The following SPIRE1 variants were observed in gnomAD, a reference collection of about 807,000 sequenced individuals.
The protein encoded by SPIRE1 is spire type actin nucleation factor 1, also known as protein spire homolog 1.
In SPIRE1, 40 loss-of-function variants were observed where a neutral mutation model predicts 94.1. The observed-to-expected ratio is 0.43, with a 90% CI of 0.33 to 0.55. The LOEUF (loss-of-function observed/expected upper bound fraction) is 0.55. Ranked by LOEUF, SPIRE1 falls within the 20% of genes least tolerant of loss-of-function variation. The pLI is 0.06. For synonymous variants in SPIRE1, 376 were observed against 371.7 expected (o/e 1.01, Z -0.13); for missense variants, 838 against 975.2 (o/e 0.86, Z 1.87).
chr18:12,493,046 C>A, intron 8 of SPIRE1, 26 bp downstream of exon 8: 1 of 1,593,954 alleles, frequency 6.3e-7, no homozygotes. Flanking sequence ...TGACTCTAGA[C>A]TGAGTACAGG....
chr18:12,529,826 AT>A (rs1036535536), intron 4 of SPIRE1, among the ~76,000 whole-genome samples: 1 of 152,224 alleles, frequency 6.6e-6, no homozygotes, highest in African/African-American at 2.4e-5. Context: ...CCTATTTTAC[AT>A]GCCTTATAAA....
chr18:12,643,379 G>A (rs2038137261), intron 1 of SPIRE1, among the ~76,000 whole-genome samples: 2 of 152,210 alleles, frequency 1.3e-5, no homozygotes, highest in Non-Finnish European at 2.9e-5. Context: ...ATCATAAACA[G>A]AGTTCTAGCA....
At chr18:12,458,119 C>T (rs2031609268) in intron 12 of SPIRE1, among the ~76,000 whole-genome samples, 1 of 151,406 alleles carries the variant, frequency 6.6e-6, no homozygotes, top group Non-Finnish European at 1.5e-5. Context: ...GCTGGGATTA[C>T]AGGCGTGAGC....
chr18:12,563,713 T>C (rs1221676330), intron 2 of SPIRE1, among the ~76,000 whole-genome samples: 1 of 151,742 alleles, frequency 6.6e-6, no homozygotes, highest in East Asian at 1.9e-4. Flanking sequence ...TTGGGGCAAA[T>C]AAAAAACCCC....
chr18:12,520,201 G>A (rs948422626), intron 4 of SPIRE1, among the ~76,000 whole-genome samples: 4 of 152,036 alleles, frequency 2.6e-5, no homozygotes, highest in East Asian at 1.9e-4. Context: ...ACTGATATGC[G>A]CTTGTTAGTT....
At chr18:12,655,013 G>A (rs1439423242) in intron 1 of SPIRE1, among the ~76,000 whole-genome samples, 83 of 149,372 alleles carry the variant, frequency 5.6e-4, no homozygotes, top group Non-Finnish European at 7.4e-4. Flanking sequence ...GGCAACAGAG[G>A]GAGACTCCAT....
At chr18:12,480,339 A>C (rs2032792794) in intron 9 of SPIRE1, among the ~76,000 whole-genome samples, 1 of 152,212 alleles carries the variant, frequency 6.6e-6, no homozygotes, top group Non-Finnish European at 1.5e-5. Context: ...GTGAACACAA[A>C]AAGTCTGGGA....
At position 12,546,692 on chromosome 18, in the gene SPIRE1, T is replaced by C; in HGVS notation, c.585A>G (p.Ser195=). The part of the protein sequence containing the change: ...DEKRKISAIR[S]YRDVMKLCAA... ...GCCTTACCTTCATGACATCTCTATA[T>C]GACCGAATAGCTGAGATTTTTCTCT... The change falls in exon 3 of 17, where the codon TCA becomes TCG. Residue 195 remains serine, a synonymous_variant. Coordinates refer to ENST00000409402, the MANE Select transcript of SPIRE1 (RefSeq NM_001128626.2). 6.2e-7 allele frequency: 1 copy of C among 1,613,810 alleles called. No homozygotes were observed. Among genetic ancestry groups the C allele is most frequent in the Non-Finnish European group, 8.5e-7 (1 of 1,179,718 alleles).
chr18:12,617,329 C>G (rs773928795), intron 2 of SPIRE1, among the ~76,000 whole-genome samples: 6 of 152,096 alleles, frequency 3.9e-5, no homozygotes, highest in Non-Finnish European at 4.4e-5. Flanking sequence ...ATTCTCCTGT[C>G]CCAGCCTCCC....
At position 12,650,602 on chromosome 18, in the gene SPIRE1, C is replaced by T. The variant is rs370769486; in HGVS notation, c.337+6928G>A. 9.9e-5 allele frequency among the ~76,000 whole-genome samples: 15 copies of T among 150,898 alleles called. No homozygotes were observed. The East Asian group carries it at 2.8e-3, about 28-fold the overall frequency. ...GCACGTGCCTGTAGTCCCAGCTACT[C>T]GGGAGGCTGAGGCAGGAGAATCGCT... On this transcript the variant is annotated intron_variant, in intron 1 of 16. Coordinates refer to ENST00000409402, the MANE Select transcript of SPIRE1 (RefSeq NM_001128626.2).
intron 10 of SPIRE1, among the ~76,000 whole-genome samples, chr18:12,478,090 T>C (rs895897833): frequency 3.9e-5 from 6 of 151,980 alleles, no homozygotes; most frequent in Non-Finnish European, 7.4e-5. Context: ...TTATTAGTGT[T>C]TGAAAAACCT....
At chr18:12,558,529 C>T (rs996612285) in intron 2 of SPIRE1, among the ~76,000 whole-genome samples, 1 of 152,172 alleles carries the variant, frequency 6.6e-6, no homozygotes, top group Non-Finnish European at 1.5e-5. Flanking sequence ...CTTATCTGGC[C>T]CCACTCACAT....
At chr18:12,626,187 C>A (rs1363787292) in intron 2 of SPIRE1, among the ~76,000 whole-genome samples, 1 of 152,150 alleles carries the variant, frequency 6.6e-6, no homozygotes, top group Non-Finnish European at 1.5e-5. Flanking sequence ...CAGCAAACCC[C>A]ATTTACAGCC....
chr18:12,580,459 G>T (rs56382499), intron 2 of SPIRE1, among the ~76,000 whole-genome samples: 20,890 of 151,852 alleles, frequency 0.14, 1,672 homozygotes, highest in African/African-American at 0.2. Context: ...AAGTAGCTGG[G>T]GTTACAGGTG....
chr18:12,492,635 A>G lies in SPIRE1; in HGVS notation c.1189+437T>C, dbSNP rs192169836. On this transcript the variant is annotated intron_variant, in intron 8 of 16. Transcript: ENST00000409402. The stretch of plus-strand genomic sequence containing the variant: ...ATAATACGTTATCTTTGTATATGCA[A>G]TACAATTTATAAAGTATTTTTTTAC... 1.1e-4 allele frequency among the ~76,000 whole-genome samples: 17 copies of G among 152,296 alleles called. No individual in the cohort carries two copies. The East Asian group carries it at 3.3e-3, about 29-fold the overall frequency.
chr18:12,535,438 C>G lies in SPIRE1; in HGVS notation c.729+38G>C, dbSNP rs1234120784. ...CAACAAATATCAAATGCATGCCAAT[C>G]AAACAATGCCAATAAATATCAAAGC... On this transcript the variant is annotated intron_variant, in intron 4 of 16. Transcript: ENST00000409402. The G allele has an allele frequency of 3.2e-6, 5 of 1,577,644 alleles. No individual in the cohort carries two copies. The East Asian group carries it at 6.8e-5, about 22-fold the overall frequency.
chr18:12,625,353 C>T (rs1324992660), intron 2 of SPIRE1, among the ~76,000 whole-genome samples: 1 of 152,202 alleles, frequency 6.6e-6, no homozygotes, highest in East Asian at 1.9e-4. Context: ...CATTCCTAAA[C>T]ATTCCTCTTA....
At chr18:12,494,547 C>T (rs1466574017) in intron 7 of SPIRE1, among the ~76,000 whole-genome samples, 1 of 151,820 alleles carries the variant, frequency 6.6e-6, no homozygotes, top group Non-Finnish European at 1.5e-5. Flanking sequence ...GAAAAAACCT[C>T]GGCCGGGCAC....
At chr18:12,648,212 C>T (rs1299072413) in intron 1 of SPIRE1, among the ~76,000 whole-genome samples, 1 of 152,116 alleles carries the variant, frequency 6.6e-6, no homozygotes, top group East Asian at 1.9e-4. Context: ...TGAACGCAGG[C>T]TGGAATTAAT....
Sources: allele counts gnomAD v4.1 joint callset (sites outside exome capture counted in the v4.1 genomes callset), GRCh38; gene constraint gnomAD v4.1.1; transcripts MANE v1.5; gene names NCBI Gene and HGNC (gene_info 2026-07-23, HGNC 2026-07-21).